The following GRIA3 variants were observed in gnomAD, a reference collection of about 807,000 sequenced individuals.
GRIA3 encodes glutamate ionotropic receptor AMPA type subunit 3, also known as glutamate receptor 3.
In GRIA3, 3 loss-of-function variants were observed where a neutral mutation model predicts 63.0. That is an observed-to-expected ratio of 0.05 (90% CI 0.02 to 0.12). GRIA3 has a LOEUF of 0.12. Ranked by LOEUF, GRIA3 falls within the 10% of genes least tolerant of loss-of-function variation. The probability of loss-of-function intolerance (pLI) is 1.00; values close to 1 mark genes in which losing one functional copy is unlikely to be tolerated. For synonymous variants in GRIA3, 274 were observed against 257.9 expected, an observed-to-expected ratio of 1.06 and a Z score of -0.60; for missense variants, 347 against 700.9, an observed-to-expected ratio of 0.50 and a Z score of 5.70.
chrX:123,217,778 G>A (rs747675076), intron 2 of GRIA3, among the ~76,000 whole-genome samples: 1 of 112,048 alleles, frequency 8.9e-6, no homozygotes, highest in South Asian at 3.8e-4. Flanking sequence ...TAAATCCTGG[G>A]GGACCCCACA....
chrX:123,266,771 G>C (rs1353839285), intron 3 of GRIA3, among the ~76,000 whole-genome samples: 1 of 111,434 alleles, frequency 9.0e-6, no homozygotes, highest in Non-Finnish European at 1.9e-5. Flanking sequence ...TAACCATATG[G>C]AACTATGCTA....
chrX:123,404,017 G>A (rs907110726), intron 9 of GRIA3, among the ~76,000 whole-genome samples: 1 of 111,913 alleles, frequency 8.9e-6, no homozygotes, highest in East Asian at 2.8e-4. Context: ...TTCACTACAC[G>A]AAGAAGTTTT....
chrX:123,402,393 GTGTATA>G (rs1478428751), intron 7 of GRIA3, among the ~76,000 whole-genome samples: 2 of 58,634 alleles, frequency 3.4e-5, no homozygotes, highest in East Asian at 1.1e-3. Context: ...ATATGTGTGT[GTGTATA>G]TATATATATA....
At chrX:123,401,193 G>A (rs771537315) in intron 7 of GRIA3, among the ~76,000 whole-genome samples, 148 of 112,038 alleles carry the variant, frequency 1.3e-3, no homozygotes, top group Non-Finnish European at 2.0e-3. Flanking sequence ...ATTTCTCTGA[G>A]TGGTAGTCCA....
chrX:123,224,945 G>C (rs142917328), intron 2 of GRIA3, among the ~76,000 whole-genome samples: 15 of 111,663 alleles, frequency 1.3e-4, no homozygotes, highest in African/African-American at 4.6e-4. Flanking sequence ...GTCACCTCCT[G>C]TGTAAAATCT....
chrX:123,362,705 A>T (rs1416843910), intron 5 of GRIA3, among the ~76,000 whole-genome samples: 1 of 102,473 alleles, frequency 9.8e-6, no homozygotes, highest in Non-Finnish European at 2.0e-5. Context: ...TACCTCAATG[A>T]AGCTGTTAGT....
At chrX:123,219,568 C>T (rs1431605615) in intron 2 of GRIA3, among the ~76,000 whole-genome samples, 1 of 111,995 alleles carries the variant, frequency 8.9e-6, no homozygotes, top group Non-Finnish European at 1.9e-5. Flanking sequence ...GCCAAATTGA[C>T]CAGTAATACA....
chrX:123,358,082 G>C (rs1447416496), intron 5 of GRIA3, among the ~76,000 whole-genome samples: 1 of 111,545 alleles, frequency 9.0e-6, no homozygotes, highest in African/African-American at 3.3e-5. Flanking sequence ...CAGAGAGAGA[G>C]AGAGAGAGAC....
intron 12 of GRIA3, among the ~76,000 whole-genome samples, chrX:123,455,572 G>A (rs1226756887): frequency 9.0e-6 from 1 of 111,679 alleles, no homozygotes; most frequent in Non-Finnish European, 1.9e-5. Flanking sequence ...GCCTCAAATT[G>A]CTCTGATCAC....
chrX:123,351,219 G>T (rs2045092044), intron 4 of GRIA3, among the ~76,000 whole-genome samples: 1 of 111,726 alleles, frequency 9.0e-6, no homozygotes, highest in Non-Finnish European at 1.9e-5. Context: ...AAGATTTAGG[G>T]TGAGCTGAAC....
intron 3 of GRIA3, among the ~76,000 whole-genome samples, chrX:123,298,351 G>T (rs1039399959): frequency 2.7e-5 from 3 of 111,271 alleles, no homozygotes; most frequent in African/African-American, 9.8e-5. Context: ...CCCAGCAAGG[G>T]TATATAAGGG....
chrX:123,422,405 G>A (rs1398274624), intron 11 of GRIA3, among the ~76,000 whole-genome samples: 1 of 112,336 alleles, frequency 8.9e-6, no homozygotes, highest in Admixed American at 9.4e-5. Flanking sequence ...CTCTAGAGAA[G>A]GTAATCAATA....
intron 11 of GRIA3, among the ~76,000 whole-genome samples, chrX:123,423,983 CT>C (rs1216363193): frequency 7.2e-5 from 8 of 111,767 alleles, no homozygotes; most frequent in Non-Finnish European, 1.5e-4. Context: ...TGCTAATTTA[CT>C]TTCATTAACT....
At chrX:123,229,532 G>C (rs1302657831) in intron 2 of GRIA3, among the ~76,000 whole-genome samples, 1 of 112,164 alleles carries the variant, frequency 8.9e-6, no homozygotes, top group Non-Finnish European at 1.9e-5. Flanking sequence ...CCATCTCCTG[G>C]ATTATTTAGG....
intron 14 of GRIA3, among the ~76,000 whole-genome samples, chrX:123,480,404 C>T (rs998761611): frequency 8.9e-6 from 1 of 111,881 alleles, no homozygotes; most frequent in Non-Finnish European, 1.9e-5. Context: ...GAAACTCAAT[C>T]TGGCCTACTG....
intron 2 of GRIA3, among the ~76,000 whole-genome samples, chrX:123,205,591 C>T (rs1569398453): frequency 8.9e-6 from 1 of 111,832 alleles, no homozygotes; most frequent in Non-Finnish European, 1.9e-5. Flanking sequence ...AATAAGTGAA[C>T]ACCATGCAGA....
rs1389120120 is a variant in GRIA3 at position 123,421,444 on chromosome X, T to C, written c.1877+3666T>C. On this transcript the variant is annotated intron_variant, in intron 11 of 15. Coordinates refer to ENST00000620443, the MANE Select transcript of GRIA3 (RefSeq NM_007325.5). ...GAAATTTCTGATAATAACACAGTTG[T>C]TACTCTAAGATTTGTGGTTGCCTTG... is the stretch of plus-strand genomic sequence containing the variant. Among the ~76,000 whole-genome samples, 2 of 112,158 alleles carry C rather than the reference T, an allele frequency of 1.8e-5. 1 individual carries two copies. The highest frequency in any genetic ancestry group is 6.5e-5 in the African/African-American group (2 of 30,912).
At chrX:123,286,769 T>C (rs767400202) in intron 3 of GRIA3, among the ~76,000 whole-genome samples, 2 of 111,671 alleles carry the variant, frequency 1.8e-5, no homozygotes, top group South Asian at 3.8e-4. Flanking sequence ...GGGGCAATAA[T>C]TAATAGCCTA....
At chrX:123,302,644 C>A (rs759421581) in intron 3 of GRIA3, among the ~76,000 whole-genome samples, 5 of 111,515 alleles carry the variant, frequency 4.5e-5, no homozygotes, top group African/African-American at 6.5e-5. Flanking sequence ...ATAAATATCT[C>A]TCCCTGAATT....
Sources: gnomAD v4.1 joint callset for allele counts (sites outside exome capture counted in the v4.1 genomes callset) on GRCh38, gnomAD v4.1.1 for gene constraint, MANE v1.5 for transcripts, NCBI Gene and HGNC (gene_info 2026-07-23, HGNC 2026-07-21) for gene names.